The following RTF1 variants were observed in gnomAD, a reference collection of about 807,000 sequenced individuals.
RTF1 encodes RNA polymerase-associated protein RTF1 homolog.
RTF1 carries 10 observed loss-of-function variants against 95.7 expected under a neutral mutation model. That is an observed-to-expected ratio of 0.10 (90% CI 0.06 to 0.18). The LOEUF is 0.18. Among genes scored for constraint, RTF1 ranks in the 10% least tolerant of loss-of-function variants. The pLI is 1.00. For synonymous variants in RTF1, 305 were observed against 311.8 expected, an observed-to-expected ratio of 0.98 and a Z score of 0.23; for missense variants, 458 against 875.6, an observed-to-expected ratio of 0.52 and a Z score of 6.02.
chr15:41,475,659 AAT>A (rs1232378182), intron 10 of RTF1, 47 bp downstream of exon 10: 1 of 1,603,322 alleles, frequency 6.2e-7, no homozygotes, highest in Admixed American at 1.7e-5. Context: ...ACGTTGAGAA[AAT>A]ATCTTTCCAA....
intron 1 of RTF1, among the ~76,000 whole-genome samples, chr15:41,420,854 CAG>C (rs2050596931): frequency 6.6e-6 from 1 of 152,174 alleles, no homozygotes; most frequent in Non-Finnish European, 1.5e-5. Context: ...ATCAGACTCT[CAG>C]GGGATAGAGG....
At chr15:41,427,894 C>G (rs1470707693) in intron 1 of RTF1, among the ~76,000 whole-genome samples, 1 of 151,836 alleles carries the variant, frequency 6.6e-6, no homozygotes, top group Non-Finnish European at 1.5e-5. Context: ...TCAAGTGATT[C>G]TCCTGTCTTA....
chr15:41,449,135 C>T (rs540007050), intron 2 of RTF1, among the ~76,000 whole-genome samples: 3 of 152,046 alleles, frequency 2.0e-5, no homozygotes, highest in South Asian at 2.1e-4. Flanking sequence ...CAGCCTGCCT[C>T]GGCCTCCCAA....
intron 8 of RTF1, among the ~76,000 whole-genome samples, chr15:41,474,005 C>G (rs1253450364): frequency 2.0e-5 from 3 of 151,892 alleles, no homozygotes; most frequent in African/African-American, 4.8e-5. Context: ...CCATTGCACT[C>G]CAGCCTGGGC....
At chr15:41,452,252 GT>G (rs2050792626) in intron 2 of RTF1, among the ~76,000 whole-genome samples, 1 of 149,986 alleles carries the variant, frequency 6.7e-6, no homozygotes, top group South Asian at 2.1e-4. Context: ...CCTGGGAAAC[GT>G]GGTGAAACCC....
intron 2 of RTF1, among the ~76,000 whole-genome samples, chr15:41,441,360 A>G (rs1380689394): frequency 1.3e-5 from 2 of 152,126 alleles, no homozygotes; most frequent in Non-Finnish European, 2.9e-5. Flanking sequence ...TATTGTATTA[A>G]GTTTGAATAT....
chr15:41,431,283 C>T (rs888883127), intron 1 of RTF1, among the ~76,000 whole-genome samples: 218 of 148,096 alleles, frequency 1.5e-3, no homozygotes, highest in African/African-American at 5.2e-3. Flanking sequence ...GGTGCAATCT[C>T]GGCTCACTGC....
intron 15 of RTF1, 170 bp downstream of exon 15, chr15:41,478,795 T>C (rs536641192): frequency 1.6e-5 from 10 of 636,474 alleles, no homozygotes; most frequent in African/African-American, 1.1e-4. Flanking sequence ...ATAGGACATA[T>C]CGGTAGTGAA....
At chr15:41,460,493 T>G (rs1221855186) in intron 4 of RTF1, among the ~76,000 whole-genome samples, 1 of 152,174 alleles carries the variant, frequency 6.6e-6, no homozygotes, top group South Asian at 2.1e-4. Flanking sequence ...TAATAAACTG[T>G]GCTGGAGTTA....
chr15:41,477,957 T>A (rs910176230), intron 14 of RTF1, among the ~76,000 whole-genome samples: 1 of 151,272 alleles, frequency 6.6e-6, no homozygotes, highest in African/African-American at 2.4e-5. Context: ...AATACAAAAA[T>A]GAGCCGGACA....
At chr15:41,420,521 G>T (rs1358660654) in intron 1 of RTF1, among the ~76,000 whole-genome samples, 1 of 152,018 alleles carries the variant, frequency 6.6e-6, no homozygotes, top group Admixed American at 6.6e-5. Flanking sequence ...TTCACTGGGG[G>T]TATAACATTA....
chr15:41,446,843 C>T (rs2050766242), intron 2 of RTF1, among the ~76,000 whole-genome samples: 1 of 150,998 alleles, frequency 6.6e-6, no homozygotes, highest in African/African-American at 2.4e-5. Context: ...CCCTCTGTCA[C>T]CCAGGCTGGG....
chr15:41,436,859 T>C (rs1251445110), intron 1 of RTF1, among the ~76,000 whole-genome samples: 2 of 151,418 alleles, frequency 1.3e-5, no homozygotes, highest in African/African-American at 4.8e-5. Context: ...GAGGTCGAGT[T>C]GGGCGGATTA....
chr15:41,474,292 A>T (rs1002012518), intron 8 of RTF1, among the ~76,000 whole-genome samples: 1 of 152,228 alleles, frequency 6.6e-6, no homozygotes, highest in South Asian at 2.1e-4. Flanking sequence ...ACTGACCTAC[A>T]TGGTCTTCAC....
chr15:41,469,038 G>A (rs1056274552), intron 6 of RTF1, among the ~76,000 whole-genome samples: 29 of 151,630 alleles, frequency 1.9e-4, no homozygotes, highest in Non-Finnish European at 8.8e-5. Context: ...GCGCGATCTC[G>A]GCTCATTGCA....
chr15:41,477,427 C>T (rs765254657), intron 13 of RTF1, 31 bp from the exon 14 acceptor site: 3 of 1,613,762 alleles, frequency 1.9e-6, no homozygotes, highest in Non-Finnish European at 2.5e-6. Flanking sequence ...CCTTGTTTCA[C>T]AGCCACTGAC....
intron 1 of RTF1, among the ~76,000 whole-genome samples, chr15:41,434,620 A>C (rs75043590): frequency 0.016 from 2,402 of 148,086 alleles, 75 homozygotes; most frequent in African/African-American, 0.056. Flanking sequence ...GGCAGTACTA[A>C]TGTCTTTTTT....
chr15:41,472,646 T>A (rs1242664121), intron 8 of RTF1, among the ~76,000 whole-genome samples: 2 of 151,878 alleles, frequency 1.3e-5, no homozygotes, highest in African/African-American at 4.8e-5. Flanking sequence ...AGCCTCCAAG[T>A]AGCTGGGACT....
At chr15:41,431,772 T>G (rs1203015559) in intron 1 of RTF1, among the ~76,000 whole-genome samples, 1 of 151,720 alleles carries the variant, frequency 6.6e-6, no homozygotes, top group East Asian at 1.9e-4. Flanking sequence ...GTGCTAGGAC[T>G]ACAGTTGTGA....
Sources: gnomAD v4.1 joint callset for allele counts (sites outside exome capture counted in the v4.1 genomes callset) on GRCh38, gnomAD v4.1.1 for gene constraint, MANE v1.5 for transcripts, NCBI Gene and HGNC (gene_info 2026-07-23, HGNC 2026-07-21) for gene names.